ARHGEF26: variants seen among roughly 807,000 people sequenced by gnomAD.
ARHGEF26 encodes the protein Rho guanine nucleotide exchange factor 26.
ARHGEF26 carries 59 observed loss-of-function variants against 89.4 expected under a neutral mutation model. The observed-to-expected ratio is 0.66, with a 90% CI of 0.54 to 0.82. The LOEUF (loss-of-function observed/expected upper bound fraction) is 0.82. Ranked by LOEUF, ARHGEF26 falls within the 40% of genes least tolerant of loss-of-function variation. The pLI is 0.00. For synonymous variants in ARHGEF26, 500 were observed against 428.4 expected, an observed-to-expected ratio of 1.17 and a Z score of -2.06; for missense variants, 1,234 against 1,085.6, an observed-to-expected ratio of 1.14 and a Z score of -1.92.
Position 154,255,625 on chromosome 3 carries a change from C to G in ARHGEF26, c.*152C>G, listed in dbSNP as rs930984518. The G allele has an allele frequency of 2.8e-6, 4 of 1,441,762 alleles. No homozygotes were observed. In the African/African-American group the frequency reaches 5.7e-5, roughly 21 times the overall value. The allele number at this position is 1,441,762 out of a possible 1,614,324, so 89.3% of individuals were successfully genotyped here. On this transcript the variant is annotated 3_prime_UTR_variant, in exon 15 of 15. Coordinates refer to ENST00000465093, the MANE Select transcript of ARHGEF26 (RefSeq NM_015595.4). The stretch of plus-strand genomic sequence containing the variant: ...TAAGCTTGCCAGGTTGTTCTGCTCT[C>G]TCATGAGAAGAGCTTGGATACAGTG...
intron 11 of ARHGEF26, among the ~76,000 whole-genome samples, chr3:154,237,177 T>C (rs1392819910): frequency 6.6e-6 from 1 of 152,132 alleles, no homozygotes; most frequent in Non-Finnish European, 1.5e-5. Context: ...AAGAGAACAA[T>C]TAATAAACAT....
At chr3:154,248,903 C>T (rs553516955) in intron 12 of ARHGEF26, among the ~76,000 whole-genome samples, 4 of 152,092 alleles carry the variant, frequency 2.6e-5, no homozygotes, top group East Asian at 1.9e-4. Context: ...ATGGGGCTTT[C>T]TTTCATGGAT....
intron 12 of ARHGEF26, among the ~76,000 whole-genome samples, chr3:154,247,096 A>G (rs978491315): frequency 1.3e-5 from 2 of 152,066 alleles, no homozygotes; most frequent in Admixed American, 1.3e-4. Flanking sequence ...TTTATTGACC[A>G]TCCAGCTCTT....
intron 12 of ARHGEF26, among the ~76,000 whole-genome samples, chr3:154,245,102 A>C (rs1390736461): frequency 6.6e-6 from 1 of 152,220 alleles, no homozygotes; most frequent in Non-Finnish European, 1.5e-5. Context: ...ATCTCGGCTC[A>C]CTGCAACCTC....
chr3:154,129,157 CTTTT>C lies in ARHGEF26; in HGVS notation c.1124-416_1124-413del, dbSNP rs1290227443. 2.6e-5 allele frequency among the ~76,000 whole-genome samples: 4 copies of C among 152,202 alleles called. No homozygotes were observed. In the East Asian group the frequency reaches 5.8e-4, roughly 22 times the overall value. On this transcript the variant is annotated intron_variant, in intron 3 of 14. Coordinates refer to ENST00000465093, the MANE Select transcript of ARHGEF26 (RefSeq NM_015595.4). ...CTCATGAGGCATCAGAGGTGTCTTT[CTTTT>C]GTTTTCCATTTTACTCTCAGCCCTT... is the stretch of plus-strand genomic sequence containing the variant.
intron 6 of ARHGEF26, among the ~76,000 whole-genome samples, chr3:154,153,688 G>T (rs542645532): frequency 6.6e-6 from 1 of 152,050 alleles, no homozygotes; most frequent in Admixed American, 6.6e-5. Flanking sequence ...TTCATATACT[G>T]TTCCCTGGCC....
At chr3:154,205,006 A>G (rs1714924131) in intron 9 of ARHGEF26, among the ~76,000 whole-genome samples, 1 of 152,192 alleles carries the variant, frequency 6.6e-6, no homozygotes, top group African/African-American at 2.4e-5. Context: ...TTCTGTAAAT[A>G]TCTATTAGAT....
chr3:154,227,120 A>C (rs1208987266), intron 11 of ARHGEF26, among the ~76,000 whole-genome samples: 1 of 152,182 alleles, frequency 6.6e-6, no homozygotes, highest in Non-Finnish European at 1.5e-5. Context: ...TGTCTAGCTG[A>C]AATGAAATGT....
rs1046780676 is a variant in ARHGEF26, at chr3:154,257,053, C to T, written c.*1580C>T. ...ACTCAAATCTGTATGTGACATGTCC[C>T]AACTACTGTCCGCTAACTAGTTATC... On this transcript the variant is annotated 3_prime_UTR_variant, in exon 15 of 15. Coordinates refer to ENST00000465093, the MANE Select transcript of ARHGEF26 (RefSeq NM_015595.4). 1 of 1,391,980 alleles carries T rather than the reference C, an allele frequency of 7.2e-7. No individual in the cohort carries two copies. The highest frequency in any genetic ancestry group is 2.9e-5 in the Admixed American group (1 of 34,146). 86.2% of individuals were successfully genotyped at this position (1,391,980 alleles called of 1,614,324 possible).
chr3:154,223,327 A>G (rs903138143), intron 10 of ARHGEF26, among the ~76,000 whole-genome samples: 14 of 152,192 alleles, frequency 9.2e-5, no homozygotes, highest in African/African-American at 2.7e-4. Flanking sequence ...AGTTACTACT[A>G]TATGACCCAG....
At chr3:154,253,586 A>G (rs995637842) in intron 13 of ARHGEF26, among the ~76,000 whole-genome samples, 6 of 152,204 alleles carry the variant, frequency 3.9e-5, no homozygotes, top group Non-Finnish European at 7.3e-5. Flanking sequence ...TAAACCTTCT[A>G]CATACTGACA....
intron 4 of ARHGEF26, among the ~76,000 whole-genome samples, chr3:154,130,495 T>A (rs1718622754): frequency 6.6e-6 from 1 of 152,166 alleles, no homozygotes; most frequent in African/African-American, 2.4e-5. Flanking sequence ...TAAAGCTGAT[T>A]AATGAATGAT....
chr3:154,134,771 G>GT (rs530965802), intron 4 of ARHGEF26, among the ~76,000 whole-genome samples: 596 of 147,302 alleles, frequency 4.0e-3, no homozygotes, highest in Non-Finnish European at 5.8e-3. Context: ...GTTTATTGAG[G>GT]TTTTTTTTTT....
At chr3:154,203,590 C>G (rs745844319) in intron 9 of ARHGEF26, among the ~76,000 whole-genome samples, 1 of 152,078 alleles carries the variant, frequency 6.6e-6, no homozygotes, top group Admixed American at 6.6e-5. Context: ...TTTCAGTTTT[C>G]TCCATTCAGT....
At chr3:154,239,253 AG>A (rs1717308723) in intron 11 of ARHGEF26, among the ~76,000 whole-genome samples, 1 of 68,160 alleles carries the variant, frequency 1.5e-5, no homozygotes, top group African/African-American at 5.7e-5. Context: ...AATGACCGAG[AG>A]AGAGAGGGAG....
chr3:154,150,865 CAGG>C (rs2108094806), intron 5 of ARHGEF26, among the ~76,000 whole-genome samples: 1 of 152,246 alleles, frequency 6.6e-6, no homozygotes, highest in Admixed American at 6.5e-5. Flanking sequence ...CTATATATAA[CAGG>C]TCTAACCTAA....
At chr3:154,125,143 T>C (rs1298716196) in intron 3 of ARHGEF26, among the ~76,000 whole-genome samples, 1 of 152,118 alleles carries the variant, frequency 6.6e-6, no homozygotes, top group Non-Finnish European at 1.5e-5. Flanking sequence ...TGAGGGTAGT[T>C]AAATTTTTGT....
In ARHGEF26 at chr3:154,253,660, CCTT is replaced by C. The variant is rs563324684; in HGVS notation, c.2368+480_2368+482del. On this transcript the variant is annotated intron_variant, in intron 13 of 14. Coordinates refer to ENST00000465093, the MANE Select transcript of ARHGEF26 (RefSeq NM_015595.4). ...AAAATTACCTAAGAATTCTTTTTGA[CCTT>C]CTAAGAAAGTGTGTTTCACTATTCT... 2.6e-3 allele frequency among the ~76,000 whole-genome samples: 390 copies of C among 152,210 alleles called. 3 individuals are homozygous for C. Among genetic ancestry groups the C allele is most frequent in the African/African-American group, 9.1e-3 (379 of 41,540 alleles).
chr3:154,175,186 C>T (rs74506076), intron 6 of ARHGEF26, among the ~76,000 whole-genome samples: 1 of 151,954 alleles, frequency 6.6e-6, no homozygotes, highest in South Asian at 2.1e-4. Context: ...TTCTATAAAC[C>T]GTAATGGTTA....
Sources: gnomAD v4.1 joint callset for allele counts (sites outside exome capture counted in the v4.1 genomes callset) on GRCh38, gnomAD v4.1.1 for gene constraint, MANE v1.5 for transcripts, NCBI Gene and HGNC (gene_info 2026-07-23, HGNC 2026-07-21) for gene names.